MALRD1: variants seen among roughly 807,000 people sequenced by gnomAD.
The protein encoded by MALRD1 is MAM and LDL-receptor class A domain-containing protein 1.
A neutral mutation model predicts 242.1 loss-of-function variants in MALRD1; 247 were observed. The observed-to-expected ratio is 1.02, with a 90% CI of 0.92 to 1.13. MALRD1 has a LOEUF of 1.13. MALRD1 is among the 50% of genes most tolerant of loss of function. MALRD1 has a pLI of 0.00. For synonymous variants in MALRD1, 995 were observed against 866.6 expected (o/e 1.15, Z -2.60); for missense variants, 2,989 against 2,533.1 (o/e 1.18, Z -3.86).
intron 19 of MALRD1, among the ~76,000 whole-genome samples, chr10:19,264,939 T>C (rs947741989): frequency 4.6e-5 from 7 of 152,344 alleles, no homozygotes; most frequent in African/African-American, 1.2e-4. Context: ...ATAATTCATC[T>C]GTTTAGATTT....
At chr10:19,397,045 A>G (rs1350088466) in intron 28 of MALRD1, among the ~76,000 whole-genome samples, 1 of 152,228 alleles carries the variant, frequency 6.6e-6, no homozygotes, top group East Asian at 1.9e-4. Flanking sequence ...TGTAATGATC[A>G]AATCAGGGTA....
intron 26 of MALRD1, among the ~76,000 whole-genome samples, chr10:19,380,521 T>A (rs1845792530): frequency 6.6e-6 from 1 of 152,082 alleles, no homozygotes; most frequent in South Asian, 2.1e-4. Flanking sequence ...ACACACTTTT[T>A]CTCTCTTAAG....
At chr10:19,438,923 C>T (rs1345964997) in intron 28 of MALRD1, among the ~76,000 whole-genome samples, 3 of 152,084 alleles carry the variant, frequency 2.0e-5, no homozygotes, top group Non-Finnish European at 2.9e-5. Context: ...GCATGGGTAC[C>T]GTTCATCCAA....
chr10:19,269,319 A>G (rs1031800686), intron 19 of MALRD1, among the ~76,000 whole-genome samples: 1 of 152,250 alleles, frequency 6.6e-6, no homozygotes, highest in Non-Finnish European at 1.5e-5. Context: ...TCTTACAAAA[A>G]GAGGATGAGA....
intron 33 of MALRD1, among the ~76,000 whole-genome samples, chr10:19,586,520 C>G (rs561349060): frequency 6.6e-6 from 1 of 152,164 alleles, no homozygotes; most frequent in Non-Finnish European, 1.5e-5. Context: ...TGGTGGGTCC[C>G]TCCCAGTTAG....
chr10:19,171,586 ATG>A (rs1834948306), intron 13 of MALRD1, among the ~76,000 whole-genome samples: 1 of 137,672 alleles, frequency 7.3e-6, no homozygotes, highest in Non-Finnish European at 1.6e-5. Context: ...ATATATGTCT[ATG>A]TGTGTATATA....
At chr10:19,395,367 A>T (rs927263269) in intron 28 of MALRD1, among the ~76,000 whole-genome samples, 2 of 152,336 alleles carry the variant, frequency 1.3e-5, no homozygotes, top group Admixed American at 6.5e-5. Flanking sequence ...TAAGATAAAC[A>T]TTGGTTTGTT....
intron 4 of MALRD1, among the ~76,000 whole-genome samples, chr10:19,094,873 G>T (rs530858936): frequency 2.0e-5 from 3 of 152,090 alleles, no homozygotes; most frequent in Non-Finnish European, 2.9e-5. Flanking sequence ...ACTTATGCAT[G>T]GTCGAAATGA....
intron 31 of MALRD1, among the ~76,000 whole-genome samples, chr10:19,505,694 G>A (rs1179857169): frequency 1.3e-5 from 2 of 152,218 alleles, no homozygotes; most frequent in Admixed American, 1.3e-4. Flanking sequence ...GAGGAATAGG[G>A]AAATTGGCCC....
intron 28 of MALRD1, among the ~76,000 whole-genome samples, chr10:19,448,037 T>A (rs1835100029): frequency 6.6e-6 from 1 of 152,154 alleles, no homozygotes; most frequent in Non-Finnish European, 1.5e-5. Context: ...GTGCTCTCGG[T>A]AACCATGGAG....
intron 28 of MALRD1, among the ~76,000 whole-genome samples, chr10:19,422,999 C>T (rs916175318): frequency 6.6e-6 from 1 of 152,046 alleles, no homozygotes; most frequent in African/African-American, 2.4e-5. Flanking sequence ...ATTCTTAAGC[C>T]CTTGCAGTGC....
At chr10:19,354,335 G>A (rs972392232) in intron 26 of MALRD1, among the ~76,000 whole-genome samples, 1 of 151,986 alleles carries the variant, frequency 6.6e-6, no homozygotes, top group Non-Finnish European at 1.5e-5. Context: ...TTAAAAAATT[G>A]CTCTTAAAAA....
chr10:19,426,571 G>A (rs540277183), intron 28 of MALRD1, among the ~76,000 whole-genome samples: 1 of 152,280 alleles, frequency 6.6e-6, no homozygotes, highest in South Asian at 2.1e-4. Flanking sequence ...GGAGGTTGAG[G>A]TGGGTGAATC....
chr10:19,177,187 G>A (rs1835296413), intron 14 of MALRD1, among the ~76,000 whole-genome samples: 1 of 151,634 alleles, frequency 6.6e-6, no homozygotes, highest in Non-Finnish European at 1.5e-5. Context: ...GGCTGAGGCA[G>A]GAGAATGGCG....
At chr10:19,287,498 T>C (rs953632572) in intron 21 of MALRD1, among the ~76,000 whole-genome samples, 1 of 152,094 alleles carries the variant, frequency 6.6e-6, no homozygotes, top group Non-Finnish European at 1.5e-5. Context: ...TGCATGATGA[T>C]TGTTTCCTTT....
At chr10:19,358,824 A>G (rs1844762509) in intron 26 of MALRD1, among the ~76,000 whole-genome samples, 1 of 152,166 alleles carries the variant, frequency 6.6e-6, no homozygotes, top group African/African-American at 2.4e-5. Context: ...TCTTAAAAGG[A>G]TATTTTATAC....
intron 28 of MALRD1, among the ~76,000 whole-genome samples, chr10:19,438,605 C>G (rs2104910): frequency 0.71 from 108,632 of 152,044 alleles, 38,952 homozygotes; most frequent in Non-Finnish European, 0.75. Flanking sequence ...CTGTACCATT[C>G]TACATTCTTA....
chr10:19,240,951 C>T (rs1156470315), intron 18 of MALRD1, among the ~76,000 whole-genome samples: 1 of 151,964 alleles, frequency 6.6e-6, no homozygotes, highest in African/African-American at 2.4e-5. Context: ...AGTGTGCTGT[C>T]GAAGTCAGTT....
chr10:19,446,374 A>T (rs1315638706), intron 28 of MALRD1, among the ~76,000 whole-genome samples: 1 of 152,180 alleles, frequency 6.6e-6, no homozygotes, highest in Non-Finnish European at 1.5e-5. Flanking sequence ...TACCCTTATT[A>T]AATACTAAAA....
Sources: allele counts gnomAD v4.1 joint callset (sites outside exome capture counted in the v4.1 genomes callset), GRCh38; gene constraint gnomAD v4.1.1; transcripts MANE v1.5; gene names NCBI Gene and HGNC (gene_info 2026-07-23, HGNC 2026-07-21).